SLC5A4: variants seen among roughly 807,000 people sequenced by gnomAD.
SLC5A4 encodes solute carrier family 5 member 4, also known as probable glucose sensor protein SLC5A4.
Under a neutral mutation model 70.3 loss-of-function variants are expected in SLC5A4, and 55 were observed. That is an observed-to-expected ratio of 0.78 (90% CI 0.63 to 0.98). SLC5A4 has a LOEUF of 0.98. SLC5A4 is among the 50% of genes least tolerant of loss of function. The pLI, the probability that SLC5A4 is intolerant of heterozygous loss-of-function variation, is 0.00. For missense variants in SLC5A4, 735 were observed against 839.2 expected (o/e 0.88, Z 1.53); for synonymous variants, 268 against 305.7 (o/e 0.88, Z 1.29).
At chr22:32,271,431 T>C in the SLC5A4 span, 1 of 769,448 alleles carries the variant, frequency 1.3e-6, no homozygotes, top group Non-Finnish European at 2.4e-6. Context: ...CTACAAGGCC[T>C]TCCCCCACGA....
intron 7 of SLC5A4, among the ~76,000 whole-genome samples, chr22:32,235,600 T>TA (rs997036525): frequency 2.0e-5 from 3 of 151,988 alleles, no homozygotes; most frequent in African/African-American, 7.3e-5. Context: ...CCTGTTACAA[T>TA]AAAAAATTGG....
the SLC5A4 span, among the ~76,000 whole-genome samples, chr22:32,293,868 G>A: frequency 6.6e-6 from 1 of 151,996 alleles, no homozygotes; most frequent in Non-Finnish European, 1.5e-5. Flanking sequence ...ACTCTTGAAA[G>A]ATATTTTTGC....
chr22:32,330,272 GGGGGGCTCTGGTGTATATGTT>G, the SLC5A4 span, among the ~76,000 whole-genome samples: 1 of 60,544 alleles, frequency 1.7e-5, no homozygotes, highest in Non-Finnish European at 3.1e-5. Flanking sequence ...TGTGTGTGTT[GGGGGGCTCTGGTGTATATGTT>G]GGGGGCTCTG....
chr22:32,220,984 CTCTGTACTGT>C lies in SLC5A4; in HGVS notation c.1694_1703del (p.Asn565ArgfsTer6). 6.2e-7 allele frequency: 1 copy of C among 1,614,044 alleles called. No homozygotes were observed. Among genetic ancestry groups the C allele is most frequent in the South Asian group, 1.1e-5 (1 of 91,076 alleles). ...CTTCTGCATCTATATCGATTCGCTC[CTCTGTACTGT>C]TCCGAAGAACCCAGCACAGGCGGTA... On this transcript the variant is annotated frameshift_variant, in exon 14 of 15. Transcript: ENST00000266086. LOFTEE classifies it high-confidence loss of function.
the SLC5A4 span, among the ~76,000 whole-genome samples, chr22:32,309,981 G>A: frequency 6.6e-6 from 1 of 150,768 alleles, no homozygotes; most frequent in African/African-American, 2.4e-5. Context: ...AGAGGGACTT[G>A]GCAGAGCAGC....
At chr22:32,307,411 A>T in the SLC5A4 span, among the ~76,000 whole-genome samples, 15 of 152,158 alleles carry the variant, frequency 9.9e-5, no homozygotes, top group Non-Finnish European at 2.2e-4. Context: ...TGTGAATCTG[A>T]GTGTGTCCGT....
chr22:32,306,326 G>A, the SLC5A4 span, among the ~76,000 whole-genome samples: 1 of 92,952 alleles, frequency 1.1e-5, no homozygotes, highest in Admixed American at 1.2e-4. Context: ...TTAGCCAGGT[G>A]TGGTGGCAGG....
the SLC5A4 span, among the ~76,000 whole-genome samples, chr22:32,300,023 C>T: frequency 7.0e-6 from 1 of 142,714 alleles, no homozygotes; most frequent in African/African-American, 2.6e-5. Context: ...CTCAGATCTC[C>T]AGCTGCATGC....
At chr22:32,299,664 C>T in the SLC5A4 span, among the ~76,000 whole-genome samples, 2,689 of 70,056 alleles carry the variant, frequency 0.038, 86 homozygotes, top group South Asian at 0.062. Context: ...TCGTCAAAGT[C>T]ATTCTCTATC....
chr22:32,331,760 C>T, the SLC5A4 span, among the ~76,000 whole-genome samples: 3 of 152,096 alleles, frequency 2.0e-5, no homozygotes, highest in Admixed American at 6.5e-5. Flanking sequence ...GACACGCAGC[C>T]CACATCCGAG....
upstream of SLC5A4, among the ~76,000 whole-genome samples, chr22:32,256,176 T>G (rs1165420509): frequency 6.6e-6 from 1 of 152,024 alleles, no homozygotes; most frequent in Non-Finnish European, 1.5e-5. Flanking sequence ...AGTGTGGTGA[T>G]GCACACGTAT....
At chr22:32,259,120 C>A (rs1927624782), upstream of SLC5A4, among the ~76,000 whole-genome samples, 1 of 152,168 alleles carries the variant, frequency 6.6e-6, no homozygotes, top group African/African-American at 2.4e-5. Context: ...TCCAGTTAAA[C>A]AAGATGAATC....
At chr22:32,353,234 G>A in the SLC5A4 span, among the ~76,000 whole-genome samples, 1 of 152,114 alleles carries the variant, frequency 6.6e-6, no homozygotes, top group Non-Finnish European at 1.5e-5. Context: ...GGCCCACCCT[G>A]GCTGCGTTCC....
the SLC5A4 span, among the ~76,000 whole-genome samples, chr22:32,342,693 T>C: frequency 6.6e-6 from 1 of 152,336 alleles, no homozygotes; most frequent in East Asian, 1.9e-4. Flanking sequence ...TGGAAAATAC[T>C]TTCCCAATAA....
At chr22:32,224,215 C>G in intron 13 of SLC5A4, 52 bp downstream of exon 13, 1 of 1,440,044 alleles carries the variant, frequency 6.9e-7, no homozygotes, top group Non-Finnish European at 9.7e-7. Context: ...CCACTGCGCC[C>G]GGCCAAGAAC....
the SLC5A4 span, among the ~76,000 whole-genome samples, chr22:32,354,393 T>TGGGCA: frequency 6.6e-6 from 1 of 151,138 alleles, no homozygotes; most frequent in South Asian, 2.1e-4. Context: ...CTCCCTGCTG[T>TGGGCA]GGGCAGTGCA....
chr22:32,344,152 C>A, the SLC5A4 span, among the ~76,000 whole-genome samples: 1 of 152,226 alleles, frequency 6.6e-6, no homozygotes, highest in South Asian at 2.1e-4. Flanking sequence ...AAAGACATCG[C>A]TGGGTTCAAC....
At chr22:32,273,752 C>T in the SLC5A4 span, among the ~76,000 whole-genome samples, 8 of 152,126 alleles carry the variant, frequency 5.3e-5, no homozygotes, top group Non-Finnish European at 7.3e-5. Flanking sequence ...CTACAGCATA[C>T]GGCACTATTT....
At chr22:32,219,270 C>T (rs966964787) in intron 14 of SLC5A4, among the ~76,000 whole-genome samples, 16 of 152,226 alleles carry the variant, frequency 1.1e-4, no homozygotes, top group African/African-American at 3.4e-4. Flanking sequence ...GAATTAGTAG[C>T]GTATTGCAAA....
Sources: allele counts gnomAD v4.1 joint callset (sites outside exome capture counted in the v4.1 genomes callset), GRCh38; gene constraint gnomAD v4.1.1; transcripts MANE v1.5; gene names NCBI Gene and HGNC (gene_info 2026-07-23, HGNC 2026-07-21).